The following TXNDC16 variants were observed in gnomAD, a reference collection of about 807,000 sequenced individuals.
The protein encoded by TXNDC16 is thioredoxin domain containing 16, also known as thioredoxin domain-containing protein 16.
A neutral mutation model predicts 85.6 loss-of-function variants in TXNDC16; 74 were observed. That is an observed-to-expected ratio of 0.86 (90% CI 0.72 to 1.05). The LOEUF is 1.05. TXNDC16 is among the 50% of genes least tolerant of loss of function. TXNDC16 has a pLI of 0.00. For missense variants in TXNDC16, 959 were observed against 947.0 expected, an observed-to-expected ratio of 1.01 and a Z score of -0.17; for synonymous variants, 335 against 326.5, an observed-to-expected ratio of 1.03 and a Z score of -0.28.
chr14:52,511,893 G>C (rs2036964829), intron 8 of TXNDC16, among the ~76,000 whole-genome samples: 1 of 152,078 alleles, frequency 6.6e-6, no homozygotes, highest in South Asian at 2.1e-4. Context: ...GTTTGTATCT[G>C]AAATATTACA....
intron 18 of TXNDC16, among the ~76,000 whole-genome samples, chr14:52,449,692 G>T (rs527242007): frequency 6.6e-6 from 1 of 152,068 alleles, no homozygotes; most frequent in Admixed American, 6.5e-5. Flanking sequence ...TAGACTTTAG[G>T]TTAAGTCATA....
intron 6 of TXNDC16, among the ~76,000 whole-genome samples, chr14:52,530,150 T>A (rs1247057114): frequency 1.4e-5 from 1 of 74,046 alleles, no homozygotes; most frequent in Non-Finnish European, 2.2e-5. Context: ...ATATATTTTA[T>A]ATATAATTTA....
chr14:52,432,530 A>G lies in TXNDC16; in HGVS notation c.2252T>C (p.Met751Thr). ...PPLPAYDFLSMIDAATSQRGT... is the reference protein window; with the variant it reads ...PPLPAYDFLSTIDAATSQRGT... Reference sequence around the variant, plus strand: ...ACGTTGAGATGTTGCGGCATCTATCATACTTAGAAAATCATAAGCTGGAAG... The same window carrying G: ...ACGTTGAGATGTTGCGGCATCTATCGTACTTAGAAAATCATAAGCTGGAAG... Residue 751 changes from methionine to threonine, a missense_variant, in exon 21 of 21, where the codon ATG becomes ACG. Physicochemically the swap from Met to Thr is moderately conservative, Grantham distance 81 (BLOSUM62 -1). Transcript: ENST00000281741. 6.2e-7 allele frequency: 1 copy of G among 1,613,282 alleles called. No homozygotes were observed.
At chr14:52,455,602 G>A (rs1187626898) in intron 17 of TXNDC16, 140 bp from the exon 18 acceptor site, 12 of 857,352 alleles carry the variant, frequency 1.4e-5, no homozygotes, top group African/African-American at 1.4e-4. Context: ...CCATTTCCAG[G>A]CAAACTTATC....
chr14:52,532,678 T>C lies in TXNDC16; in HGVS notation c.392+4041A>G, dbSNP rs566549626. ...GTCTCAATCTCCTGACCTCGTGATC[T>C]GCCCACCTCGGCCTCCCAAAGTGCT... On this transcript the variant is annotated intron_variant, in intron 6 of 20. Coordinates refer to ENST00000281741, the MANE Select transcript of TXNDC16 (RefSeq NM_020784.3). Among the ~76,000 whole-genome samples the C allele has an allele frequency of 1.1e-3, 174 of 152,142 alleles. 1 individual carries two copies. The highest frequency in any genetic ancestry group is 2.0e-3 in the Non-Finnish European group (133 of 67,998).
intron 18 of TXNDC16, among the ~76,000 whole-genome samples, chr14:52,446,420 C>T (rs1211166462): frequency 1.3e-5 from 2 of 152,188 alleles, no homozygotes; most frequent in Non-Finnish European, 2.9e-5. Flanking sequence ...GAAGTCAGAA[C>T]TTGAATTACA....
chr14:52,519,022 C>A, intron 7 of TXNDC16, 150 bp downstream of exon 7: 4 of 719,668 alleles, frequency 5.6e-6, no homozygotes, highest in Non-Finnish European at 8.6e-6. Flanking sequence ...TATTACGCTG[C>A]CCATTTAAAG....
intron 18 of TXNDC16, among the ~76,000 whole-genome samples, chr14:52,450,853 T>A (rs1025860923): frequency 1.4e-5 from 2 of 145,048 alleles, no homozygotes; most frequent in Non-Finnish European, 3.1e-5. Flanking sequence ...AAAATGTGTT[T>A]TATATATATA....
intron 4 of TXNDC16, 90 bp from the exon 5 acceptor site, chr14:52,537,762 G>A: frequency 1.4e-6 from 1 of 732,384 alleles, no homozygotes; most frequent in Non-Finnish European, 2.3e-6. Context: ...AAATATTACA[G>A]TTTGTTGCAG....
At chr14:52,541,538 T>G (rs571418074) in intron 4 of TXNDC16, among the ~76,000 whole-genome samples, 3 of 152,188 alleles carry the variant, frequency 2.0e-5, no homozygotes, top group East Asian at 3.9e-4. Flanking sequence ...ATTTAAAAAA[T>G]AGATATTTTT....
At chr14:52,537,725 T>C (rs1197470705) in intron 4 of TXNDC16, 53 bp from the exon 5 acceptor site, 1 of 1,054,976 alleles carries the variant, frequency 9.5e-7, no homozygotes, top group Non-Finnish European at 1.4e-6. Context: ...GTCAAGTTTC[T>C]TGGTTGGGGA....
intron 6 of TXNDC16, among the ~76,000 whole-genome samples, chr14:52,531,368 T>C (rs773723271): frequency 3.3e-5 from 5 of 152,178 alleles, no homozygotes; most frequent in Non-Finnish European, 5.9e-5. Context: ...AACCTAAATA[T>C]GGATGTTAAT....
At chr14:52,475,444 C>T (rs909361619) in intron 14 of TXNDC16, among the ~76,000 whole-genome samples, 1 of 152,118 alleles carries the variant, frequency 6.6e-6, no homozygotes, top group Non-Finnish European at 1.5e-5. Context: ...CCCTGGTCAC[C>T]CACTGCCTGG....
chr14:52,497,984 T>C (rs1317866765), intron 9 of TXNDC16, among the ~76,000 whole-genome samples: 2 of 151,942 alleles, frequency 1.3e-5, no homozygotes, highest in Non-Finnish European at 2.9e-5. Context: ...CAAGGATGGT[T>C]TGACACACAG....
intron 1 of TXNDC16, among the ~76,000 whole-genome samples, chr14:52,550,261 C>A (rs1396546673): frequency 6.6e-6 from 1 of 152,136 alleles, no homozygotes; most frequent in East Asian, 1.9e-4. Context: ...GAGTATATAA[C>A]GCTTACAAAG....
chr14:52,537,621 A>G lies in TXNDC16; in HGVS notation c.295T>C (p.Leu99=). Residue 99 remains leucine (L), a synonymous_variant, in exon 5 of 21, where the codon TTG becomes CTG. Coordinates refer to ENST00000281741, the MANE Select transcript of TXNDC16 (RefSeq NM_020784.3). ...TACTTGAATAAATATGCTTTCATCA[A>G]ATCCTTTTCTTTTCCACAGTATCTT... ...ISRYCGKEKD[L]MKAYLFKGNI... is the part of the protein sequence containing the mutation. The G allele has an allele frequency of 1.3e-6, 2 of 1,590,236 alleles. No homozygotes were observed. Among genetic ancestry groups the G allele is most frequent in the Non-Finnish European group, 1.7e-6 (2 of 1,160,102 alleles).
chr14:52,461,318 T>C (rs1662589728), intron 16 of TXNDC16, among the ~76,000 whole-genome samples: 1 of 152,008 alleles, frequency 6.6e-6, no homozygotes, highest in South Asian at 2.1e-4. Flanking sequence ...ATTTATAATT[T>C]TTAGATATTT....
At chr14:52,471,280 T>C (rs944830380) in intron 14 of TXNDC16, among the ~76,000 whole-genome samples, 2 of 152,206 alleles carry the variant, frequency 1.3e-5, no homozygotes, top group African/African-American at 4.8e-5. Context: ...TTAATATATC[T>C]AATTACTGTC....
At chr14:52,439,183 T>C in intron 20 of TXNDC16, 21 bp downstream of exon 20, 1 of 1,608,320 alleles carries the variant, frequency 6.2e-7, no homozygotes, top group South Asian at 1.1e-5. Flanking sequence ...CTACATGTAT[T>C]AAACAAAACA....
Sources: gnomAD v4.1 joint callset for allele counts (sites outside exome capture counted in the v4.1 genomes callset) on GRCh38, gnomAD v4.1.1 for gene constraint, MANE v1.5 for transcripts, NCBI Gene and HGNC (gene_info 2026-07-23, HGNC 2026-07-21) for gene names.